Variants in CCDC170 observed in about 807,000 individuals in gnomAD.
The protein encoded by CCDC170 is coiled-coil domain-containing protein 170.
CCDC170 carries 69 observed loss-of-function variants against 72.6 expected under a neutral mutation model. The ratio of observed to expected loss-of-function variants is 0.95; its 90% CI spans 0.78 to 1.16. The LOEUF (loss-of-function observed/expected upper bound fraction) is 1.16, where lower values mean the gene tolerates loss of function less well. Ranked by LOEUF, CCDC170 falls within the 50% of genes most tolerant of loss-of-function variation. The pLI is 0.00. For missense variants in CCDC170, 852 were observed against 832.5 expected (o/e 1.02, Z -0.29); for synonymous variants, 300 against 303.9 (o/e 0.99, Z 0.13).
chr6:151,611,338 C>T (rs551252330), intron 9 of CCDC170, among the ~76,000 whole-genome samples: 80 of 152,064 alleles, frequency 5.3e-4, no homozygotes, highest in African/African-American at 1.8e-3. Flanking sequence ...ATACCATAAA[C>T]GGGATGGCTT....
chr6:151,546,998 A>AAG (rs1402905864), intron 4 of CCDC170, among the ~76,000 whole-genome samples: 9 of 5,872 alleles, frequency 1.5e-3, no homozygotes, highest in Admixed American at 2.0e-3. Context: ...TCTTAAGAAG[A>AAG]AAAAAAAAAA....
At chr6:151,595,061 G>A (rs1488908129) in intron 8 of CCDC170, among the ~76,000 whole-genome samples, 1 of 152,170 alleles carries the variant, frequency 6.6e-6, no homozygotes, top group Non-Finnish European at 1.5e-5. Context: ...TCACTGTTAG[G>A]CAGGATACTC....
At chr6:151,588,644 T>G (rs1776489509) in intron 7 of CCDC170, among the ~76,000 whole-genome samples, 1 of 152,142 alleles carries the variant, frequency 6.6e-6, no homozygotes, top group African/African-American at 2.4e-5. Context: ...AAATTTGATT[T>G]TGTAAAGAAA....
At chr6:151,535,779 T>C (rs1302932477) in intron 1 of CCDC170, among the ~76,000 whole-genome samples, 1 of 152,140 alleles carries the variant, frequency 6.6e-6, no homozygotes, top group African/African-American at 2.4e-5. Flanking sequence ...TCTCTCTCTC[T>C]CTATTGGCTG....
chr6:151,522,146 G>A (rs1562270191), intron 1 of CCDC170, among the ~76,000 whole-genome samples: 1 of 151,858 alleles, frequency 6.6e-6, no homozygotes. Context: ...GGTGACAAGA[G>A]TGAAATTCCA....
At chr6:151,550,081 C>A (rs1187094453) in intron 5 of CCDC170, among the ~76,000 whole-genome samples, 1 of 152,188 alleles carries the variant, frequency 6.6e-6, no homozygotes, top group East Asian at 1.9e-4. Context: ...AAATGGTCTG[C>A]AACCTATTTG....
chr6:151,595,024 A>G (rs939354872), intron 8 of CCDC170, among the ~76,000 whole-genome samples: 4 of 152,210 alleles, frequency 2.6e-5, no homozygotes, highest in African/African-American at 9.7e-5. Context: ...GTCTTGTTCA[A>G]AAATGATCTG....
intron 5 of CCDC170, among the ~76,000 whole-genome samples, chr6:151,563,047 T>C (rs1776068126): frequency 6.6e-6 from 1 of 152,162 alleles, no homozygotes; most frequent in Admixed American, 6.5e-5. Context: ...ACCACCAAAA[T>C]GGGCTGAGGG....
At chr6:151,609,195 C>T (rs1420797984) in intron 9 of CCDC170, among the ~76,000 whole-genome samples, 1 of 151,936 alleles carries the variant, frequency 6.6e-6, no homozygotes, top group East Asian at 1.9e-4. Context: ...TGTTGGTTGC[C>T]TTTAGTTAGC....
chr6:151,585,978 C>T lies in CCDC170; in HGVS notation c.1182C>T (p.Ala394=), dbSNP rs764452733. 10 of 1,614,020 alleles carry T rather than the reference C, an allele frequency of 6.2e-6. No individual in the cohort carries two copies. In the Admixed American group the frequency reaches 1.7e-4, roughly 27 times the overall value. Residue 394 remains alanine (A), a synonymous_variant, in exon 7 of 11, where the codon GCC becomes GCT. Transcript: ENST00000239374. The part of the protein sequence containing the change: ...SGFHQKALQR[A]QKAENMLETL... Reference sequence around the variant, plus strand: ...TTCACCAGAAAGCTCTCCAGAGGGCCCAGAAAGCAGAGAATATGTTGGAGA... The same window carrying T: ...TTCACCAGAAAGCTCTCCAGAGGGCTCAGAAAGCAGAGAATATGTTGGAGA...
intron 1 of CCDC170, among the ~76,000 whole-genome samples, chr6:151,527,168 A>G (rs549609441): frequency 8.2e-4 from 119 of 145,060 alleles, no homozygotes; most frequent in South Asian, 1.5e-3. Flanking sequence ...AAGTGCTGGG[A>G]TTACAGGTGT....
At chr6:151,577,614 C>T (rs919798628) in intron 6 of CCDC170, among the ~76,000 whole-genome samples, 3 of 76,724 alleles carry the variant, frequency 3.9e-5, no homozygotes, top group Non-Finnish European at 7.4e-5. Flanking sequence ...TCCAGGGGCT[C>T]TGTGGGAGCT....
At chr6:151,537,523 T>A (rs1583015574) in intron 2 of CCDC170, among the ~76,000 whole-genome samples, 1 of 152,178 alleles carries the variant, frequency 6.6e-6, no homozygotes, top group East Asian at 1.9e-4. Flanking sequence ...ATAAGGGTTT[T>A]TCTTTTCTCC....
chr6:151,538,143 A>G lies in CCDC170; in HGVS notation c.285A>G (p.Ser95=). ...ESYKENNARK[S]SLLTSLRDRV... is the part of the protein sequence containing the mutation. The stretch of plus-strand genomic sequence containing the variant: ...ACAAGGAAAACAATGCCAGAAAATC[A>G]TCTCTCCTTACCTCTTTGAGAGACA... The change falls in exon 3 of 11, where the codon TCA becomes TCG. Residue 95 remains serine (S), a synonymous_variant. Coordinates refer to ENST00000239374, the MANE Select transcript of CCDC170 (RefSeq NM_025059.4). 1 of 1,614,090 alleles carries G rather than the reference A, an allele frequency of 6.2e-7. No individual in the cohort carries two copies. The highest frequency in any genetic ancestry group is 8.5e-7 in the Non-Finnish European group (1 of 1,179,968).
intron 9 of CCDC170, among the ~76,000 whole-genome samples, chr6:151,612,374 C>A (rs1776887486): frequency 6.6e-6 from 1 of 152,234 alleles, no homozygotes; most frequent in Non-Finnish European, 1.5e-5. Flanking sequence ...TTCAGCAATA[C>A]ATAATCAGGA....
intron 1 of CCDC170, among the ~76,000 whole-genome samples, chr6:151,514,053 C>G (rs1286229940): frequency 6.6e-6 from 1 of 150,904 alleles, no homozygotes; most frequent in East Asian, 1.9e-4. Flanking sequence ...ATAAATAAAG[C>G]AAGATGAGCA....
intron 9 of CCDC170, among the ~76,000 whole-genome samples, chr6:151,605,427 T>C (rs1045420376): frequency 1.3e-5 from 2 of 152,220 alleles, no homozygotes; most frequent in Non-Finnish European, 2.9e-5. Context: ...AGTGTGGTCC[T>C]GCTGAACAGA....
rs1380400196 is a variant in CCDC170 at position 151,572,853 on chromosome 6, C to T, written c.775-321C>T. Among the ~76,000 whole-genome samples, 18 of 151,700 alleles carry T rather than the reference C, an allele frequency of 1.2e-4. 1 individual carries two copies. Among genetic ancestry groups the T allele is most frequent in the Non-Finnish European group, 2.6e-4 (18 of 67,932 alleles). On this transcript the variant is annotated intron_variant, in intron 5 of 10. Coordinates refer to ENST00000239374, the MANE Select transcript of CCDC170 (RefSeq NM_025059.4). ...TTGTTTAGTAGAGGTGGGGTTTCAC[C>T]ATGTTGGCCAGGCTGGTCTTGAACT...
chr6:151,511,122 T>C (rs536683380), intron 1 of CCDC170, among the ~76,000 whole-genome samples: 1 of 152,308 alleles, frequency 6.6e-6, no homozygotes, highest in Non-Finnish European at 1.5e-5. Context: ...GCCTCTCCAG[T>C]GTATCTTGGT....
Sources: allele counts gnomAD v4.1 joint callset (sites outside exome capture counted in the v4.1 genomes callset), GRCh38; gene constraint gnomAD v4.1.1; transcripts MANE v1.5; gene names NCBI Gene and HGNC (gene_info 2026-07-23, HGNC 2026-07-21).